The following MYH6 variants were observed in gnomAD, a reference collection of about 807,000 sequenced individuals.
The protein encoded by MYH6 is myosin heavy chain 6.
Under a neutral mutation model 223.2 loss-of-function variants are expected in MYH6, and 126 were observed. That is an observed-to-expected ratio of 0.56 (90% CI 0.49 to 0.65). The LOEUF is 0.65. Among genes scored for constraint, MYH6 ranks in the 30% least tolerant of loss-of-function variants. The pLI, the probability that MYH6 is intolerant of heterozygous loss-of-function variation, is 0.00. For synonymous variants in MYH6, 978 were observed against 1,010.2 expected, an observed-to-expected ratio of 0.97 and a Z score of 0.61; for missense variants, 2,040 against 2,536.4, an observed-to-expected ratio of 0.80 and a Z score of 4.20.
At chr14:23,394,987 C>A (rs1891351748) in intron 20 of MYH6, among the ~76,000 whole-genome samples, 1 of 152,158 alleles carries the variant, frequency 6.6e-6, no homozygotes. Context: ...TGCCTCAGCT[C>A]CTGAGTAGCT....
At chr14:23,382,175 C>T (rs1890881796) in intron 38 of MYH6, 112 bp from the exon 39 acceptor site, 6 of 1,187,026 alleles carry the variant, frequency 5.1e-6, no homozygotes, top group Non-Finnish European at 6.3e-6. Context: ...GAGGGAGAGG[C>T]AGGGCCCCAG....
At position 23,405,554 on chromosome 14, in the gene MYH6, G is replaced by C; in HGVS notation, c.345+73C>G. On this transcript the variant is annotated intron_variant, in intron 4 of 38. Transcript: ENST00000405093. The surrounding 1 kb of genome is among the most constrained non-coding windows in gnomAD (Gnocchi z 4.7). ...CTTGGGAGTCTCTCCCCCTCTTCTT[G>C]GGAGAGCCCCCCTGGCTTATTTAGG... is the stretch of plus-strand genomic sequence containing the variant. 6.2e-7 allele frequency: 1 copy of C among 1,608,590 alleles called. No homozygotes were observed.
chr14:23,388,515 TC>T, intron 29 of MYH6, 177 bp from the exon 30 acceptor site: 3 of 1,076,364 alleles, frequency 2.8e-6, no homozygotes, highest in Non-Finnish European at 2.9e-6. Flanking sequence ...TGCCCAGGCG[TC>T]CTCCCTACCT....
chr14:23,402,371 C>A, intron 12 of MYH6, 93 bp downstream of exon 12: 1 of 1,581,304 alleles, frequency 6.3e-7, no homozygotes, highest in South Asian at 1.1e-5. Flanking sequence ...ACCCCACTGC[C>A]CCACAAGCCT....
Position 23,405,094 on chromosome 14 carries a change from G to A in MYH6, c.530+6C>T, listed in dbSNP as rs374289431. 21 of 1,613,930 alleles carry A rather than the reference G, an allele frequency of 1.3e-5. No individual in the cohort carries two copies. Among genetic ancestry groups the A allele is most frequent in the Admixed American group, 1.7e-5 (1 of 60,008 alleles). ...TCCCTTCTGTGGGAGGATGGCACTC[G>A]CTCACGTGATGAGGATGGACTGGTT... is the stretch of plus-strand genomic sequence containing the variant. On this transcript the variant is annotated splice_donor_region_variant and intron_variant, in intron 6 of 38. Coordinates refer to ENST00000405093, the MANE Select transcript of MYH6 (RefSeq NM_002471.4). This position sits in a 1 kb window ranked among gnomAD's most constrained non-coding sequence, Gnocchi z 4.7.
Position 23,405,517 on chromosome 14 carries a change from G to A in MYH6, c.345+110C>T. 1 of 1,596,652 alleles carries A rather than the reference G, an allele frequency of 6.3e-7. No individual in the cohort carries two copies. ...CTGACTAGGGGTGGAGGGGGGAAGG[G>A]GACTTGGGTCCCTTGGGAGTCTCTC... On this transcript the variant is annotated intron_variant, in intron 4 of 38. Coordinates refer to ENST00000405093, the MANE Select transcript of MYH6 (RefSeq NM_002471.4). The surrounding 1 kb of genome is among the most constrained non-coding windows in gnomAD (Gnocchi z 4.7).
intron 7 of MYH6, 91 bp downstream of exon 7, chr14:23,404,620 C>T (rs1338645716): frequency 1.5e-6 from 2 of 1,309,296 alleles, no homozygotes; most frequent in Admixed American, 1.8e-5. Flanking sequence ...TGGCTGTCCC[C>T]ACCACGTCAC....
chr14:23,397,136 G>C, intron 17 of MYH6, 34 bp downstream of exon 17: 4 of 1,614,170 alleles, frequency 2.5e-6, no homozygotes, highest in Non-Finnish European at 3.4e-6. Flanking sequence ...GATGCCAGCT[G>C]TCCTCCCCAG....
rs766450949 is a variant in MYH6, at chr14:23,387,739, T to G, written c.4525+19A>C. 6.2e-7 allele frequency: 1 copy of G among 1,614,094 alleles called. No individual in the cohort carries two copies. The stretch of plus-strand genomic sequence containing the variant: ...CCCTCCCACCAACTCATCTCTGGCC[T>G]CTTGGACCCCCAGCACACCCTGAAG... On this transcript the variant is annotated intron_variant, in intron 31 of 38. Coordinates refer to ENST00000405093, the MANE Select transcript of MYH6 (RefSeq NM_002471.4).
chr14:23,384,392 C>T (rs1338800819), intron 36 of MYH6, 50 bp downstream of exon 36: 14 of 1,603,086 alleles, frequency 8.7e-6, no homozygotes, highest in Admixed American at 3.3e-5. Flanking sequence ...GGCAGTGGGG[C>T]CAGAGAAGAA....
rs760886850 is a variant in MYH6 at position 23,407,103 on chromosome 14, CG to C, written c.120del (p.Asp41MetfsTer29). The C allele has an allele frequency of 1.2e-6, 2 of 1,614,122 alleles. No homozygotes were observed. The highest frequency in any genetic ancestry group is 1.1e-5 in the South Asian group (1 of 91,080). On this transcript the variant is annotated frameshift_variant, in exon 3 of 39. Coordinates refer to ENST00000405093, the MANE Select transcript of MYH6 (RefSeq NM_002471.4). LOFTEE classifies it high-confidence loss of function. This position sits in a 1 kb window ranked among gnomAD's most constrained non-coding sequence, Gnocchi z 5.6. ...GCTTTGACAAACTCTTCCTTGTCAT[CG>C]GGCACGAAGCACTCAGTGCGAATGT... is the stretch of plus-strand genomic sequence containing the variant. ...PFDIRTECFV[P>X]DDKEEFVKAK...
At chr14:23,389,159 C>T (rs1891147090) in intron 28 of MYH6, 104 bp from the exon 29 acceptor site, 8 of 1,373,092 alleles carry the variant, frequency 5.8e-6, no homozygotes, top group Non-Finnish European at 7.8e-6. Flanking sequence ...CCTTATTCAC[C>T]ATGTGGGCTG....
At chr14:23,402,963 C>T (rs777035098) in intron 10 of MYH6, among the ~76,000 whole-genome samples, 163 bp from the exon 11 acceptor site, 3 of 151,310 alleles carry the variant, frequency 2.0e-5, no homozygotes, top group African/African-American at 4.9e-5. Flanking sequence ...TCAGCAAGGA[C>T]CAAGGAGTGA....
chr14:23,394,314 C>T lies in MYH6; in HGVS notation c.2439G>A (p.Leu813=), dbSNP rs1566510439. ...CCCGAATGTTCCACTGGATTACCAG[C>T]AGGGCATCCCTGGCAAGGAAACGTG... The part of the protein sequence containing the change: ...FKKIVERRDA[L]LVIQWNIRAF... Residue 813 remains leucine, a synonymous_variant, in exon 21 of 39, where the codon CTG becomes CTA. Coordinates refer to ENST00000405093, the MANE Select transcript of MYH6 (RefSeq NM_002471.4). 2.5e-6 allele frequency: 4 copies of T among 1,614,184 alleles called. No individual in the cohort carries two copies. The highest frequency in any genetic ancestry group is 1.7e-5 in the Admixed American group (1 of 60,028).
chr14:23,394,223 T>C lies in MYH6; in HGVS notation c.2530A>G (p.Ser844Gly). 1 of 1,614,222 alleles carries C rather than the reference T, an allele frequency of 6.2e-7. No individual in the cohort carries two copies. The highest frequency in any genetic ancestry group is 8.5e-7 in the Non-Finnish European group (1 of 1,180,046). The change falls in exon 21 of 39, where the codon AGC (serine) becomes GGC (glycine). Residue 844 changes from serine to glycine, a missense_variant. Ser to Gly is a moderately conservative substitution (Grantham distance 56). This residue lies in a region of MYH6 where 649 missense variants were observed against 877.3 expected (regional missense o/e 0.74). Transcript: ENST00000405093. ...LYFKIKPLLK[S>G]AETEKEMATM... is the part of the protein sequence containing the mutation. ...GCCATCTCCTTCTCCGTCTCTGCGC[T>C]CTTCAGCAGCGGCTTGATCTTGAAG...
chr14:23,402,393 G>A, intron 12 of MYH6, 71 bp downstream of exon 12: 1 of 1,601,438 alleles, frequency 6.2e-7, no homozygotes, highest in Non-Finnish European at 8.5e-7. Context: ...AGAGTCTCTG[G>A]GATCTGAGTC....
At chr14:23,388,551 C>T (rs1445186668) in intron 29 of MYH6, 6 of 889,542 alleles carry the variant, frequency 6.7e-6, no homozygotes, top group Non-Finnish European at 7.7e-6. Context: ...GTGTCAGTGC[C>T]CCCTGCCCTC....
rs778886029 is a variant in MYH6 at position 23,397,045 on chromosome 14, G to A, written c.2086C>T (p.Arg696Cys). 17 of 1,614,182 alleles carry A rather than the reference G, an allele frequency of 1.1e-5. No homozygotes were observed. Among genetic ancestry groups the A allele is most frequent in the South Asian group, 4.4e-5 (4 of 91,074 alleles). ...MDNPLVMHQL[R>C]CNGVLEGIRI... ...ATGCCCTCCAGCACGCCATTGCAGC[G>A]CAGCTGGTGCATGACCAGGGGGTTG... The change falls in exon 18 of 39, where the codon CGC (arginine) becomes TGC (cysteine). Residue 696 changes from arginine to cysteine, a missense_variant. Physicochemically the swap from Arg to Cys is radical, Grantham distance 180. This residue lies in a region of MYH6 where 649 missense variants were observed against 877.3 expected (regional missense o/e 0.74). Transcript: ENST00000405093.
At chr14:23,388,441 C>A (rs955017382) in intron 29 of MYH6, 103 bp from the exon 30 acceptor site, 4 of 1,543,816 alleles carry the variant, frequency 2.6e-6, no homozygotes, top group African/African-American at 2.7e-5. Context: ...CTTGAGACAC[C>A]GTAAGTCCAG....
Sources: allele counts gnomAD v4.1 joint callset (sites outside exome capture counted in the v4.1 genomes callset), GRCh38; gene constraint gnomAD v4.1.1; regional missense constraint gnomAD v4.1.1; non-coding constraint Gnocchi (gnomAD v3.1); transcripts MANE v1.5; gene names NCBI Gene and HGNC (gene_info 2026-07-23, HGNC 2026-07-21).